Variants in GNAO1 observed in about 807,000 individuals in gnomAD.
GNAO1 encodes G protein subunit alpha o1.
For missense variants in GNAO1, 166 were observed against 478.7 expected (o/e 0.35, Z 6.10); for synonymous variants, 164 against 180.7 (o/e 0.91, Z 0.74).
chr16:56,288,618 A>G (rs2037196846), intron 3 of GNAO1, among the ~76,000 whole-genome samples: 2 of 152,204 alleles, frequency 1.3e-5, no homozygotes, highest in African/African-American at 4.8e-5. Flanking sequence ...TAAGTCACTC[A>G]GCTCTGATAG....
At chr16:56,293,017 G>GTT (rs2037247138) in intron 3 of GNAO1, among the ~76,000 whole-genome samples, 1 of 152,182 alleles carries the variant, frequency 6.6e-6, no homozygotes, top group South Asian at 2.1e-4. Flanking sequence ...TGTGGTCAGT[G>GTT]GTTCAGCCTC....
At chr16:56,236,596 A>G (rs180994308) in intron 2 of GNAO1, among the ~76,000 whole-genome samples, 1,545 of 152,328 alleles carry the variant, frequency 0.01, 11 homozygotes, top group Non-Finnish European at 0.015. Context: ...CCTGACTCCC[A>G]GTCCAGTGCC....
rs149724894 is a variant in GNAO1, at chr16:56,210,680, A to G, written c.161+18064A>G. Among the ~76,000 whole-genome samples, 14 of 152,340 alleles carry G rather than the reference A, an allele frequency of 9.2e-5. No homozygotes were observed. In the East Asian group the frequency reaches 2.5e-3, roughly 27 times the overall value. On this transcript the variant is annotated intron_variant, in intron 2 of 8. Transcript: ENST00000262493. ...TCTCTAATGATAAATGATGCGGAGC[A>G]TCTTTTCATATGCTTATTTGCCATC...
At chr16:56,308,532 C>A (rs12596926) in intron 3 of GNAO1, among the ~76,000 whole-genome samples, 1 of 152,092 alleles carries the variant, frequency 6.6e-6, no homozygotes, top group African/African-American at 2.4e-5. Context: ...AGGCCAGTGA[C>A]CCAGAGGTTA....
At position 56,285,955 on chromosome 16, in the gene GNAO1, G is replaced by A. The variant is rs146213675; in HGVS notation, c.303+9883G>A. ...CTTTCTGGCCACCAGATATACCGTG[G>A]AGTAGCCTAGGAAACCAGGAAGGTA... is the stretch of plus-strand genomic sequence containing the variant. On this transcript the variant is annotated intron_variant, in intron 3 of 8. Transcript: ENST00000262493. Among the ~76,000 whole-genome samples the A allele has an allele frequency of 6.0e-3, 918 of 152,302 alleles. 7 individuals carry two copies. The highest frequency in any genetic ancestry group is 8.9e-3 in the Non-Finnish European group (607 of 68,030).
intron 3 of GNAO1, among the ~76,000 whole-genome samples, chr16:56,323,649 A>C (rs1216662106): frequency 3.0e-5 from 4 of 134,434 alleles, no homozygotes; most frequent in African/African-American, 1.2e-4. Flanking sequence ...GGTCACAACT[A>C]GCTGTAAGCA....
intron 3 of GNAO1, among the ~76,000 whole-genome samples, chr16:56,304,243 C>T (rs890840625): frequency 5.3e-5 from 8 of 152,234 alleles, no homozygotes; most frequent in Non-Finnish European, 8.8e-5. Flanking sequence ...CCTGCGTCTG[C>T]TTTTCTTGAT....
intron 3 of GNAO1, among the ~76,000 whole-genome samples, chr16:56,320,414 G>GAGAACA (rs1567482133): frequency 6.6e-6 from 1 of 152,206 alleles, no homozygotes; most frequent in East Asian, 1.9e-4. Flanking sequence ...AAATGATGGT[G>GAGAACA]CTGTCATCCC....
intron 2 of GNAO1, among the ~76,000 whole-genome samples, chr16:56,232,140 T>C (rs991655887): frequency 6.6e-6 from 1 of 152,180 alleles, no homozygotes; most frequent in African/African-American, 2.4e-5. Flanking sequence ...TTTCCTTTAC[T>C]ATTGCTCATC....
At chr16:56,334,631 C>G in intron 4 of GNAO1, 98 bp from the exon 5 acceptor site, 1 of 1,285,538 alleles carries the variant, frequency 7.8e-7, no homozygotes. Flanking sequence ...CCTGGAGGGG[C>G]CCTGACCGAG....
intron 3 of GNAO1, among the ~76,000 whole-genome samples, chr16:56,285,971 C>G (rs571705892): frequency 1.3e-5 from 2 of 152,158 alleles, no homozygotes; most frequent in African/African-American, 4.8e-5. Context: ...CCTAGGAAAC[C>G]AGGAAGGTAG....
intron 4 of GNAO1, among the ~76,000 whole-genome samples, chr16:56,332,974 G>A (rs2037703786): frequency 3.9e-5 from 6 of 152,222 alleles, no homozygotes; most frequent in Admixed American, 3.9e-4. Flanking sequence ...GGCTGGCGAG[G>A]AGGCTGTGAG....
chr16:56,256,213 C>T (rs557094853), intron 2 of GNAO1, among the ~76,000 whole-genome samples: 98 of 152,266 alleles, frequency 6.4e-4, no homozygotes, highest in African/African-American at 2.3e-3. Context: ...AGGTGAGCCA[C>T]CAGTCTACTC....
chr16:56,247,595 C>T (rs1331648696), intron 2 of GNAO1, among the ~76,000 whole-genome samples: 1 of 147,204 alleles, frequency 6.8e-6, no homozygotes, highest in African/African-American at 2.5e-5. Flanking sequence ...CTTGTGCATA[C>T]ATAATAGGTC....
intron 2 of GNAO1, among the ~76,000 whole-genome samples, chr16:56,254,999 A>G (rs570257522): frequency 8.5e-4 from 129 of 152,324 alleles, no homozygotes; most frequent in African/African-American, 2.8e-3. Flanking sequence ...ATGAGACGTT[A>G]AAATTGTTTC....
At chr16:56,295,050 CCAGT>C (rs2037272231) in intron 3 of GNAO1, among the ~76,000 whole-genome samples, 3 of 152,004 alleles carry the variant, frequency 2.0e-5, no homozygotes, top group Non-Finnish European at 4.4e-5. Context: ...ATATTTTCTC[CCAGT>C]CTTTGGCTTG....
chr16:56,322,140 A>G (rs2037578753), intron 3 of GNAO1, among the ~76,000 whole-genome samples: 1 of 152,134 alleles, frequency 6.6e-6, no homozygotes, highest in South Asian at 2.1e-4. Context: ...TCCACCTTTA[A>G]GACCTAATCA....
intron 3 of GNAO1, among the ~76,000 whole-genome samples, chr16:56,291,438 A>G (rs1260824039): frequency 6.6e-6 from 1 of 152,222 alleles, no homozygotes; most frequent in African/African-American, 2.4e-5. Context: ...GAATTAGCCC[A>G]TCTCTAAATG....
chr16:56,351,610 C>A lies in GNAO1; in HGVS notation c.877+73C>A. On this transcript the variant is annotated intron_variant, in intron 7 of 8. Coordinates refer to ENST00000262493, the MANE Select transcript of GNAO1 (RefSeq NM_020988.3). The surrounding 1 kb of genome is among the most constrained non-coding windows in gnomAD (Gnocchi z 6.1). ...GACCCATGGCTCAGAGAACAGGCTG[C>A]TCGGCCAGCACTGCTGGGGCTAGCT... The A allele has an allele frequency of 1.6e-6, 2 of 1,257,454 alleles. No individual in the cohort carries two copies. Among genetic ancestry groups the A allele is most frequent in the South Asian group, 1.3e-5 (1 of 79,066 alleles). The allele number at this position is 1,257,454 out of a possible 1,614,324, so 77.9% of individuals were successfully genotyped here.
Sources: allele counts gnomAD v4.1 joint callset (sites outside exome capture counted in the v4.1 genomes callset), GRCh38; gene constraint gnomAD v4.1.1; non-coding constraint Gnocchi (gnomAD v3.1); transcripts MANE v1.5; gene names NCBI Gene and HGNC (gene_info 2026-07-23, HGNC 2026-07-21).